NOTCH2: variants seen among roughly 807,000 people sequenced by gnomAD.
NOTCH2 encodes the protein neurogenic locus notch homolog protein 2.
Under a neutral mutation model 235.8 loss-of-function variants are expected in NOTCH2, and 29 were observed. The observed-to-expected ratio is 0.12, with a 90% CI of 0.09 to 0.17. The LOEUF (loss-of-function observed/expected upper bound fraction) is 0.17. Ranked by LOEUF, NOTCH2 falls within the 10% of genes least tolerant of loss-of-function variation. The probability of loss-of-function intolerance (pLI) is 1.00; values close to 1 mark genes in which losing one functional copy is unlikely to be tolerated. For synonymous variants in NOTCH2, 1,086 were observed against 1,141.5 expected, an observed-to-expected ratio of 0.95 and a Z score of 0.98; for missense variants, 2,285 against 3,150.2, an observed-to-expected ratio of 0.73 and a Z score of 6.57.
At chr1:119,976,647 G>A (rs751386612) in intron 5 of NOTCH2, among the ~76,000 whole-genome samples, 58 of 152,118 alleles carry the variant, frequency 3.8e-4, no homozygotes, top group Non-Finnish European at 4.6e-4. Flanking sequence ...AGTAGAATGC[G>A]CCACTCGCTT....
intron 2 of NOTCH2, among the ~76,000 whole-genome samples, chr1:120,010,538 TG>T (rs1653147935): frequency 6.6e-6 from 1 of 150,718 alleles, no homozygotes; most frequent in African/African-American, 2.5e-5. Flanking sequence ...TGTGTAATCT[TG>T]GGCAAGGTAC....
intron 22 of NOTCH2, 76 bp from the exon 23 acceptor site, chr1:119,929,288 T>C (rs1649575402): frequency 4.9e-6 from 6 of 1,228,064 alleles, no homozygotes; most frequent in African/African-American, 1.5e-5. Context: ...ACCACCCTTG[T>C]TGGCATTTTC....
At position 120,023,099 on chromosome 1, in the gene NOTCH2, T is replaced by A. The variant is rs587650429; in HGVS notation, c.155+6807A>T. Among the ~76,000 whole-genome samples the A allele has an allele frequency of 1.9e-3, 290 of 151,848 alleles. 1 individual carries two copies. The highest frequency in any genetic ancestry group is 3.7e-3 in the Admixed American group (57 of 15,240). ...TTTAACTTGCCAAAGATCCAATTGTTAATAGGAATCAGGACTCAAACTTAA... is the reference window on the plus strand; with the variant it reads ...TTTAACTTGCCAAAGATCCAATTGTAAATAGGAATCAGGACTCAAACTTAA... On this transcript the variant is annotated intron_variant, in intron 2 of 33. Transcript: ENST00000256646.
chr1:119,926,493 A>G lies in NOTCH2; in HGVS notation c.4005+6T>C, dbSNP rs1442109559. 5 of 1,590,954 alleles carry G rather than the reference A, an allele frequency of 3.1e-6. No individual in the cohort carries two copies. Among genetic ancestry groups the G allele is most frequent in the Non-Finnish European group, 4.3e-6 (5 of 1,164,506 alleles). ...CCCCTTCTTAGATGAGCAACAGGGC[A>G]CTTACCGGGGGACAACGGCAAATGA... is the stretch of plus-strand genomic sequence containing the variant. On this transcript the variant is annotated splice_donor_region_variant and intron_variant, in intron 24 of 33. Transcript: ENST00000256646.
At chr1:120,066,268 C>T (rs1243251247) in intron 1 of NOTCH2, among the ~76,000 whole-genome samples, 4 of 150,732 alleles carry the variant, frequency 2.7e-5, no homozygotes, top group African/African-American at 4.9e-5. Context: ...CTCATACACA[C>T]ACCTGAAGGT....
At chr1:120,017,843 T>C (rs1173714488) in intron 2 of NOTCH2, among the ~76,000 whole-genome samples, 4 of 151,498 alleles carry the variant, frequency 2.6e-5, no homozygotes, top group Non-Finnish European at 4.4e-5. Flanking sequence ...CTTGCACTTT[T>C]ATTAGTCTTT....
At chr1:119,932,214 T>A (rs1268565083) in intron 22 of NOTCH2, among the ~76,000 whole-genome samples, 1 of 152,128 alleles carries the variant, frequency 6.6e-6, no homozygotes, top group Non-Finnish European at 1.5e-5. Context: ...GCCTGCAAGA[T>A]AACTGAAATA....
intron 17 of NOTCH2, among the ~76,000 whole-genome samples, chr1:119,946,083 A>T (rs1448783311): frequency 1.3e-5 from 2 of 152,090 alleles, no homozygotes; most frequent in Non-Finnish European, 2.9e-5. Context: ...AACAAATTTG[A>T]CAAAACAGGT....
chr1:119,966,291 A>C (rs1651130677), intron 9 of NOTCH2, 85 bp downstream of exon 9: 6 of 883,770 alleles, frequency 6.8e-6, no homozygotes. Flanking sequence ...TGCACAGCCC[A>C]CACACATTCT....
chr1:119,936,414 A>T (rs924859595), intron 21 of NOTCH2, among the ~76,000 whole-genome samples: 12 of 152,152 alleles, frequency 7.9e-5, no homozygotes, highest in African/African-American at 2.9e-4. Flanking sequence ...TCCTACTTAT[A>T]CTATGGCTAG....
In NOTCH2 at chr1:119,915,192, A is replaced by AGATTTCTGGAG; in HGVS notation, c.*113_*114insCTCCAGAAATC. 1 of 1,093,288 alleles carries AGATTTCTGGAG rather than the reference A, an allele frequency of 9.1e-7. No individual in the cohort carries two copies. Among genetic ancestry groups the AGATTTCTGGAG allele is most frequent in the Non-Finnish European group, 1.4e-6 (1 of 720,618 alleles). 67.7% of individuals were successfully genotyped at this position (1,093,288 alleles called of 1,614,324 possible). A position where few individuals can be genotyped will look rare whatever the true frequency, so the allele number is the denominator to read the frequency against. ...TGAATAAGAACATCTTCTCTTTCCT[A>AGATTTCTGGAG]CCTCTAGAAGCTGGCTCCAGAGATT... On this transcript the variant is annotated 3_prime_UTR_variant, in exon 34 of 34. Transcript: ENST00000256646.
At chr1:120,039,035 A>G (rs1553212325) in intron 1 of NOTCH2, among the ~76,000 whole-genome samples, 2 of 147,420 alleles carry the variant, frequency 1.4e-5, no homozygotes, top group African/African-American at 5.2e-5. Flanking sequence ...AATTCATTGT[A>G]TAGTATTATC....
chr1:119,944,735 G>A (rs782474006), intron 17 of NOTCH2, among the ~76,000 whole-genome samples: 3 of 152,232 alleles, frequency 2.0e-5, no homozygotes, highest in Middle Eastern at 3.4e-3. Flanking sequence ...TAGCTTTAAA[G>A]TGCTGAAAGA....
chr1:120,010,330 A>ATCCAATTAAG (rs1553206759), intron 2 of NOTCH2, among the ~76,000 whole-genome samples: 1 of 152,248 alleles, frequency 6.6e-6, no homozygotes, highest in East Asian at 1.9e-4. Flanking sequence ...TTTAATTTCT[A>ATCCAATTAAG]TCCAATTAAG....
chr1:119,950,863 A>T, intron 14 of NOTCH2, 26 bp from the exon 15 acceptor site: 2 of 1,420,280 alleles, frequency 1.4e-6, no homozygotes, highest in Non-Finnish European at 2.0e-6. Flanking sequence ...AAAAACCAAA[A>T]ACAGTAAAAC....
At chr1:119,984,847 G>A (rs1553202044) in intron 5 of NOTCH2, among the ~76,000 whole-genome samples, 1 of 152,162 alleles carries the variant, frequency 6.6e-6, no homozygotes, top group Non-Finnish European at 1.5e-5. Flanking sequence ...TACTAAGGGA[G>A]TCCAGAGTAG....
chr1:119,928,140 C>G (rs1649535349), intron 23 of NOTCH2, among the ~76,000 whole-genome samples: 2 of 152,292 alleles, frequency 1.3e-5, no homozygotes, highest in South Asian at 4.2e-4. Context: ...CAAAAGTCAC[C>G]ATGCTGCCCT....
intron 5 of NOTCH2, among the ~76,000 whole-genome samples, chr1:119,978,740 T>G (rs972870852): frequency 6.6e-6 from 1 of 152,132 alleles, no homozygotes; most frequent in Admixed American, 6.5e-5. Context: ...CACCTTAGGC[T>G]GCTGGGTTGT....
At chr1:120,004,985 G>T (rs1652905827) in intron 3 of NOTCH2, among the ~76,000 whole-genome samples, 1 of 152,178 alleles carries the variant, frequency 6.6e-6, no homozygotes, top group Admixed American at 6.5e-5. Flanking sequence ...ATGGGGTCTT[G>T]CTGTGTTTCC....
Sources: allele counts gnomAD v4.1 joint callset (sites outside exome capture counted in the v4.1 genomes callset), GRCh38; gene constraint gnomAD v4.1.1; transcripts MANE v1.5; gene names NCBI Gene and HGNC (gene_info 2026-07-23, HGNC 2026-07-21).